Variants in PCDH7 observed in about 807,000 individuals in gnomAD.
PCDH7 encodes protocadherin 7, also known as protocadherin-7.
In PCDH7, 17 loss-of-function variants were observed where a neutral mutation model predicts 58.9. The observed-to-expected ratio is 0.29, with a 90% CI of 0.20 to 0.43. PCDH7 has a LOEUF of 0.43. Ranked by LOEUF, PCDH7 falls within the 20% of genes least tolerant of loss-of-function variation. PCDH7 has a pLI of 1.00. For missense variants in PCDH7, 1,274 were observed against 1,441.0 expected (o/e 0.88, Z 1.88); for synonymous variants, 664 against 616.4 (o/e 1.08, Z -1.14).
rs567778831 is a variant in PCDH7, at chr4:31,082,904, C to T, written c.*8-59569C>T. Among the ~76,000 whole-genome samples, 148 of 152,122 alleles carry T rather than the reference C, an allele frequency of 9.7e-4. 1 individual carries two copies. Among genetic ancestry groups the T allele is most frequent in the South Asian group, 4.8e-3 (23 of 4,822 alleles). ...TGGGCGGATCACGAGGTCAGGAGAT[C>T]GAGACCATCCTGGCTAACATGGTGA... is the stretch of plus-strand genomic sequence containing the variant. On this transcript the variant is annotated intron_variant, in intron 3 of 3. Coordinates refer to the PCDH7 transcript ENST00000509759.
At position 30,892,474 on chromosome 4, in the gene PCDH7, A is replaced by G. The variant is rs182066929; in HGVS notation, c.71-27679A>G. ...TTCTTAAATTAACTGAGAAGGCATT[A>G]AGACTTATTGGAATATTTCATGGTG... On this transcript the variant is annotated intron_variant, in intron 1 of 3. Coordinates refer to the PCDH7 transcript ENST00000509759. 8.7e-4 allele frequency among the ~76,000 whole-genome samples: 133 copies of G among 152,164 alleles called. 3 individuals carry two copies. The East Asian group carries it at 0.019, about 22-fold the overall frequency.
At chr4:30,830,788 T>C (rs533805255) in intron 1 of PCDH7, among the ~76,000 whole-genome samples, 46 of 152,252 alleles carry the variant, frequency 3.0e-4, no homozygotes, top group African/African-American at 8.2e-4. Flanking sequence ...TTTCCAGTTG[T>C]ATTTGATCTC....
intron 1 of PCDH7, among the ~76,000 whole-genome samples, chr4:30,841,314 A>G (rs1333640861): frequency 6.6e-6 from 1 of 152,134 alleles, no homozygotes; most frequent in Non-Finnish European, 1.5e-5. Flanking sequence ...AGGTTTTTAT[A>G]GGGGAAATGA....
At chr4:31,132,126 G>T (rs912900868) in intron 3 of PCDH7, among the ~76,000 whole-genome samples, 5 of 152,140 alleles carry the variant, frequency 3.3e-5, no homozygotes, top group Admixed American at 3.3e-4. Flanking sequence ...GAATTAATTC[G>T]ATTTAACATA....
intron 3 of PCDH7, among the ~76,000 whole-genome samples, chr4:30,950,482 T>A (rs983578826): frequency 1.3e-5 from 2 of 152,172 alleles, no homozygotes; most frequent in Non-Finnish European, 2.9e-5. Flanking sequence ...CAACAAAATA[T>A]GTATAAAATA....
At chr4:30,970,533 T>TC (rs1223148897) in intron 3 of PCDH7, among the ~76,000 whole-genome samples, 1 of 152,054 alleles carries the variant, frequency 6.6e-6, no homozygotes, top group Non-Finnish European at 1.5e-5. Flanking sequence ...GACCTAGTGA[T>TC]CCCCCCGCCT....
intron 1 of PCDH7, among the ~76,000 whole-genome samples, chr4:30,858,534 T>G (rs1271331856): frequency 1.3e-5 from 2 of 152,216 alleles, no homozygotes; most frequent in African/African-American, 4.8e-5. Flanking sequence ...AATTTATCAC[T>G]GAAGTTATAT....
chr4:30,836,378 A>G (rs1022396800), intron 1 of PCDH7, among the ~76,000 whole-genome samples: 4 of 152,220 alleles, frequency 2.6e-5, no homozygotes, highest in Non-Finnish European at 5.9e-5. Context: ...GGAAGTGACC[A>G]TATGAAATAG....
At chr4:30,894,251 A>G (rs1387676117) in intron 1 of PCDH7, among the ~76,000 whole-genome samples, 1 of 151,606 alleles carries the variant, frequency 6.6e-6, no homozygotes, top group Non-Finnish European at 1.5e-5. Context: ...AGAAGAAAAC[A>G]CTTATCCCAA....
At chr4:30,962,195 A>G (rs1472917085) in intron 3 of PCDH7, among the ~76,000 whole-genome samples, 1 of 152,210 alleles carries the variant, frequency 6.6e-6, no homozygotes, top group Admixed American at 6.5e-5. Flanking sequence ...TTAAGGTCCT[A>G]AAACACAGAT....
intron 3 of PCDH7, among the ~76,000 whole-genome samples, chr4:31,059,119 A>G (rs1757482671): frequency 6.6e-6 from 1 of 151,950 alleles, no homozygotes; most frequent in African/African-American, 2.4e-5. Flanking sequence ...TTGACTTCAT[A>G]CCATTATGTC....
chr4:30,781,361 C>T (rs1444954758), intron 1 of PCDH7, among the ~76,000 whole-genome samples: 1 of 151,756 alleles, frequency 6.6e-6, no homozygotes, highest in Non-Finnish European at 1.5e-5. Flanking sequence ...AGGATGTTCT[C>T]GATCTCCTGA....
intron 1 of PCDH7, among the ~76,000 whole-genome samples, chr4:30,850,055 T>C (rs1469163301): frequency 6.6e-6 from 1 of 152,180 alleles, no homozygotes; most frequent in African/African-American, 2.4e-5. Context: ...TTATCTCTTT[T>C]CTTGCCTTTG....
chr4:31,114,266 T>C (rs988734175), intron 3 of PCDH7, among the ~76,000 whole-genome samples: 12 of 152,206 alleles, frequency 7.9e-5, no homozygotes, highest in African/African-American at 2.9e-4. Context: ...GACAATTAGT[T>C]GATGAGTAAT....
At chr4:30,943,715 T>G (rs1746331125) in intron 2 of PCDH7, among the ~76,000 whole-genome samples, 1 of 152,102 alleles carries the variant, frequency 6.6e-6, no homozygotes, top group South Asian at 2.1e-4. Context: ...TATGAGATTT[T>G]TTTTTGCTGT....
chr4:30,789,787 A>C (rs558293172), intron 1 of PCDH7, among the ~76,000 whole-genome samples: 43 of 152,288 alleles, frequency 2.8e-4, no homozygotes, highest in African/African-American at 9.6e-4. Context: ...TGTCCCATTA[A>C]TTCCTTATTT....
Position 30,895,770 on chromosome 4 carries a change from A to G in PCDH7, c.71-24383A>G, listed in dbSNP as rs905453019. The stretch of plus-strand genomic sequence containing the variant: ...TTGCTGTGGCCCAGTGCTTGTGGCA[A>G]ATTTTCTTTACATTCTACCTTACTC... On this transcript the variant is annotated intron_variant, in intron 1 of 3. Transcript: ENST00000509759. Among the ~76,000 whole-genome samples, 5 of 152,192 alleles carry G rather than the reference A, an allele frequency of 3.3e-5. No individual in the cohort carries two copies. The East Asian group carries it at 7.7e-4, about 23-fold the overall frequency.
intron 1 of PCDH7, among the ~76,000 whole-genome samples, chr4:30,854,808 G>C (rs1302659355): frequency 4.6e-5 from 7 of 152,034 alleles, no homozygotes; most frequent in Admixed American, 4.6e-4. Context: ...GGAGGGTTGT[G>C]GGTAGTGGGA....
chr4:31,070,025 A>G (rs1258330359), intron 3 of PCDH7, among the ~76,000 whole-genome samples: 1 of 152,006 alleles, frequency 6.6e-6, no homozygotes, highest in African/African-American at 2.4e-5. Context: ...TGAGAAGGTA[A>G]CTTGTCTTGT....
Sources: allele counts gnomAD v4.1 joint callset (sites outside exome capture counted in the v4.1 genomes callset), GRCh38; gene constraint gnomAD v4.1.1; transcripts MANE v1.5; gene names NCBI Gene and HGNC (gene_info 2026-07-23, HGNC 2026-07-21).